The following RAD51B variants were observed in gnomAD, a reference collection of about 807,000 sequenced individuals.
RAD51B encodes DNA repair protein RAD51 homolog 2.
Under a neutral mutation model 42.2 loss-of-function variants are expected in RAD51B, and 38 were observed. The observed-to-expected ratio is 0.90, with a 90% CI of 0.70 to 1.18. The LOEUF (loss-of-function observed/expected upper bound fraction) is 1.18. RAD51B is among the 50% of genes most tolerant of loss of function. The pLI is 0.00. For synonymous variants in RAD51B, 154 were observed against 145.2 expected (o/e 1.06, Z -0.43); for missense variants, 373 against 400.7 (o/e 0.93, Z 0.59).
At chr14:68,064,869 T>TGATTTCTCATTGAGAAATA (rs2076624909) in intron 7 of RAD51B, among the ~76,000 whole-genome samples, 1 of 152,218 alleles carries the variant, frequency 6.6e-6, no homozygotes, top group Non-Finnish European at 1.5e-5. Context: ...ATTGAGATAA[T>TGATTTCTCATTGAGAAATA]GATTTTCTTC....
intron 7 of RAD51B, among the ~76,000 whole-genome samples, chr14:68,082,185 C>A (rs1009225158): frequency 2.6e-5 from 4 of 152,074 alleles, no homozygotes; most frequent in Non-Finnish European, 4.4e-5. Flanking sequence ...TGGTCTCGAT[C>A]TCCTGACCTC....
intron 7 of RAD51B, among the ~76,000 whole-genome samples, chr14:67,985,815 C>T (rs570975932): frequency 1.3e-4 from 19 of 151,734 alleles, no homozygotes; most frequent in Non-Finnish European, 2.1e-4. Context: ...GAGGCTGAGG[C>T]GGCAGGATGG....
chr14:68,275,583 T>C (rs1448718111), intron 7 of RAD51B, among the ~76,000 whole-genome samples: 1 of 152,134 alleles, frequency 6.6e-6, no homozygotes, highest in African/African-American at 2.4e-5. Flanking sequence ...AGGATACGCA[T>C]GGATGACACA....
chr14:68,655,022 C>A (rs1338963535), intron 11 of RAD51B, among the ~76,000 whole-genome samples: 1 of 152,172 alleles, frequency 6.6e-6, no homozygotes, highest in Admixed American at 6.5e-5. Flanking sequence ...GAGAGGCTGG[C>A]CCCACCAGGC....
intron 9 of RAD51B, among the ~76,000 whole-genome samples, chr14:68,414,497 T>A (rs2084499628): frequency 6.6e-6 from 1 of 152,098 alleles, no homozygotes. Flanking sequence ...ATCGAAAATA[T>A]GTTTTGGTCT....
intron 7 of RAD51B, among the ~76,000 whole-genome samples, chr14:67,901,654 A>T (rs2043617679): frequency 6.6e-6 from 1 of 152,264 alleles, no homozygotes; most frequent in South Asian, 2.1e-4. Flanking sequence ...GTTCACAGTA[A>T]CAAAGATATG....
At chr14:68,318,041 A>C (rs1405113305) in intron 8 of RAD51B, among the ~76,000 whole-genome samples, 1 of 152,232 alleles carries the variant, frequency 6.6e-6, no homozygotes, top group Non-Finnish European at 1.5e-5. Context: ...TGCATGCTTT[A>C]CACCAAGGTG....
intron 7 of RAD51B, among the ~76,000 whole-genome samples, chr14:68,142,322 T>C (rs2078146150): frequency 6.6e-6 from 1 of 152,204 alleles, no homozygotes; most frequent in East Asian, 1.9e-4. Context: ...TTAGACTCTT[T>C]TAAGCCCTTT....
intron 7 of RAD51B, among the ~76,000 whole-genome samples, chr14:67,928,423 GTAGT>G (rs1393925421): frequency 5.4e-4 from 82 of 152,304 alleles, no homozygotes; most frequent in Non-Finnish European, 1.0e-4. Flanking sequence ...CGGTGGCAAA[GTAGT>G]TAGTTATATT....
chr14:68,269,312 A>T lies in RAD51B; in HGVS notation c.757-22572A>T, dbSNP rs111708970. Among the ~76,000 whole-genome samples the T allele has an allele frequency of 4.4e-3, 672 of 152,248 alleles. 7 individuals are homozygous for T. Among genetic ancestry groups the T allele is most frequent in the African/African-American group, 0.015 (634 of 41,544 alleles). On this transcript the variant is annotated intron_variant, in intron 7 of 10. Coordinates refer to ENST00000471583, the MANE Select transcript of RAD51B (RefSeq NM_133510.4). Reference sequence around the variant, plus strand: ...CTCCCACACTCTTGCAACCAAACCCAAGGCTGGGTGCCAGCCTCCAAGGCA... The same window carrying T: ...CTCCCACACTCTTGCAACCAAACCCTAGGCTGGGTGCCAGCCTCCAAGGCA...
intron 7 of RAD51B, among the ~76,000 whole-genome samples, chr14:68,078,934 G>A (rs1359179531): frequency 1.3e-5 from 2 of 152,130 alleles, no homozygotes; most frequent in African/African-American, 2.4e-5. Flanking sequence ...AGGTTTCAGT[G>A]AGCCATGATG....
chr14:68,425,399 G>C (rs1388734402), intron 9 of RAD51B, among the ~76,000 whole-genome samples: 2 of 152,258 alleles, frequency 1.3e-5, no homozygotes, highest in African/African-American at 4.8e-5. Flanking sequence ...ATCAGCCCAT[G>C]AGGGCCCTGC....
chr14:68,038,708 A>T (rs559869463), intron 7 of RAD51B, among the ~76,000 whole-genome samples: 58 of 152,304 alleles, frequency 3.8e-4, no homozygotes, highest in African/African-American at 1.4e-3. Flanking sequence ...TACGTGGCCA[A>T]TGATGTGTTG....
chr14:68,383,326 A>G (rs778343481), intron 8 of RAD51B, among the ~76,000 whole-genome samples: 3 of 152,154 alleles, frequency 2.0e-5, no homozygotes, highest in Non-Finnish European at 2.9e-5. Flanking sequence ...ACTTTTGACA[A>G]TGTCACAGAT....
intron 7 of RAD51B, among the ~76,000 whole-genome samples, chr14:68,245,018 T>C (rs891734188): frequency 2.6e-5 from 4 of 152,190 alleles, no homozygotes; most frequent in African/African-American, 9.7e-5. Flanking sequence ...GCCGTAACAC[T>C]AACTAGCTCA....
chr14:67,831,840 A>G (rs985660941), intron 3 of RAD51B, among the ~76,000 whole-genome samples: 1 of 152,022 alleles, frequency 6.6e-6, no homozygotes, highest in African/African-American at 2.4e-5. Context: ...CACCACACCC[A>G]GCTGATTATT....
At chr14:68,402,695 G>A (rs1305048120) in intron 8 of RAD51B, among the ~76,000 whole-genome samples, 2 of 152,284 alleles carry the variant, frequency 1.3e-5, no homozygotes, top group African/African-American at 2.4e-5. Flanking sequence ...AGGGCACAGC[G>A]ATTCAAAGAC....
At chr14:67,937,438 G>A (rs764859525) in intron 7 of RAD51B, among the ~76,000 whole-genome samples, 4 of 152,164 alleles carry the variant, frequency 2.6e-5, no homozygotes, top group African/African-American at 4.8e-5. Context: ...CAGAGATGAC[G>A]ATAATTCTAC....
At chr14:68,197,540 C>T (rs1394527072) in intron 7 of RAD51B, among the ~76,000 whole-genome samples, 5 of 152,040 alleles carry the variant, frequency 3.3e-5, no homozygotes, top group African/African-American at 4.8e-5. Context: ...AGAGGATAGA[C>T]GAATGTTTAA....
Sources: gnomAD v4.1 joint callset for allele counts (sites outside exome capture counted in the v4.1 genomes callset) on GRCh38, gnomAD v4.1.1 for gene constraint, MANE v1.5 for transcripts, NCBI Gene and HGNC (gene_info 2026-07-23, HGNC 2026-07-21) for gene names.